Variants in CSNK2A1 observed in about 807,000 individuals in gnomAD.
CSNK2A1 encodes casein kinase II subunit alpha.
A neutral mutation model predicts 62.9 loss-of-function variants in CSNK2A1; 10 were observed. The observed-to-expected ratio is 0.16, with a 90% CI of 0.10 to 0.27. CSNK2A1 has a LOEUF of 0.27. Among genes scored for constraint, CSNK2A1 ranks in the 10% least tolerant of loss-of-function variants. CSNK2A1 has a pLI of 1.00. For synonymous variants in CSNK2A1, 124 were observed against 167.8 expected, an observed-to-expected ratio of 0.74 and a Z score of 2.02; for missense variants, 160 against 492.0, an observed-to-expected ratio of 0.33 and a Z score of 6.38.
Position 516,664 on chromosome 20 carries a change from G to T in CSNK2A1, c.-109-8004C>A, listed in dbSNP as rs116222119. On this transcript the variant is annotated intron_variant, in intron 2 of 13. Coordinates refer to ENST00000217244, the MANE Select transcript of CSNK2A1 (RefSeq NM_177559.3). ...TTGGCAACTAAAAAGAAAACTAGAG[G>T]CTTAGTAACAGTCCAATACCAGAAA... 2.8e-3 allele frequency among the ~76,000 whole-genome samples: 429 copies of T among 152,190 alleles called. 1 individual carries two copies. Among genetic ancestry groups the T allele is most frequent in the African/African-American group, 9.8e-3 (407 of 41,526 alleles).
rs74181545 is a variant in CSNK2A1, at chr20:518,357, G to C, written c.-110+9576C>G. Among the ~76,000 whole-genome samples, 983 of 152,192 alleles carry C rather than the reference G, an allele frequency of 6.5e-3. 1 individual carries two copies. Among genetic ancestry groups the C allele is most frequent in the Non-Finnish European group, 0.011 (761 of 68,012 alleles). ...TCAGAGGCATACTTCCTAATGGTGA[G>C]AGTGACTAGGGAGTGGAAGATCCAG... On this transcript the variant is annotated intron_variant, in intron 2 of 13. Coordinates refer to ENST00000217244, the MANE Select transcript of CSNK2A1 (RefSeq NM_177559.3).
intron 13 of CSNK2A1, among the ~76,000 whole-genome samples, chr20:485,028 T>C (rs1307419378): frequency 8.4e-6 from 1 of 119,412 alleles, no homozygotes; most frequent in African/African-American, 3.3e-5. Flanking sequence ...ATTGTGCCAC[T>C]GCACTCCAGC....
At chr20:484,694 T>TGTGTGTGTGTGTGTG (rs573370751) in intron 13 of CSNK2A1, among the ~76,000 whole-genome samples, 11 of 147,710 alleles carry the variant, frequency 7.4e-5, no homozygotes, top group African/African-American at 2.3e-4. Context: ...AATCATGTTT[T>TGTGTGTGTGTGTGTG]TGTGTGTGTG....
rs76438126 is a variant in CSNK2A1, at chr20:537,683, G to A, written c.-227+5989C>T. ...ATAAACTAAATGACATGCTACTTTC[G>A]AAATTATCCATTTCAGAAGTTCAAA... is the stretch of plus-strand genomic sequence containing the variant. On this transcript the variant is annotated intron_variant, in intron 1 of 13. Transcript: ENST00000217244. Among the ~76,000 whole-genome samples, 831 of 152,182 alleles carry A rather than the reference G, an allele frequency of 5.5e-3. 12 individuals are homozygous for A. Among genetic ancestry groups the A allele is most frequent in the African/African-American group, 0.019 (787 of 41,518 alleles).
chr20:506,739 A>G (rs1461792000), intron 3 of CSNK2A1: 1 of 152,262 alleles, frequency 6.6e-6, no homozygotes, highest in Admixed American at 6.5e-5. Context: ...TGGACAACAT[A>G]ATAATCATGG....
Position 481,663 on chromosome 20 carries a change from T to C in CSNK2A1, c.*2298A>G, listed in dbSNP as rs979254422. On this transcript the variant is annotated 3_prime_UTR_variant, in exon 14 of 14. Coordinates refer to ENST00000217244, the MANE Select transcript of CSNK2A1 (RefSeq NM_177559.3). ...CCAAGGTCTGATGGGTGTAAGGAGG[T>C]CCAGCTGTCTGCAGCTCTCCGCATC... is the stretch of plus-strand genomic sequence containing the variant. 2 of 152,094 alleles carry C rather than the reference T, an allele frequency of 1.3e-5. No homozygotes were observed. The highest frequency in any genetic ancestry group is 4.8e-5 in the African/African-American group (2 of 41,404). 9.4% of individuals were successfully genotyped at this position (152,094 alleles called of 1,614,324 possible).
chr20:500,653 T>C (rs2018443674), intron 4 of CSNK2A1: 1 of 143,792 alleles, frequency 7.0e-6, no homozygotes, highest in African/African-American at 2.6e-5. Context: ...TTTTTTTTTT[T>C]TTTGAGACAG....
At chr20:485,111 T>A (rs201716027) in intron 13 of CSNK2A1, among the ~76,000 whole-genome samples, 343 of 27,708 alleles carry the variant, frequency 0.012, 15 homozygotes, top group Middle Eastern at 0.019. Context: ...AAAAAAAAAA[T>A]ATATATATAT....
At position 499,352 on chromosome 20, in the gene CSNK2A1, G is replaced by A. The variant is rs771444711; in HGVS notation, c.316-47C>T. The A allele has an allele frequency of 3.2e-6, 5 of 1,574,060 alleles. No individual in the cohort carries two copies. Among genetic ancestry groups the A allele is most frequent in the Non-Finnish European group, 4.3e-6 (5 of 1,154,322 alleles). On this transcript the variant is annotated intron_variant, in intron 5 of 13. Transcript: ENST00000217244. The surrounding 1 kb of genome is among the most constrained non-coding windows in gnomAD (Gnocchi z 4.2). ...AAAAACACACATTAGCAATAGCCCTGACAGCTTTAATGGGGACAATGTTTG... is the reference window on the plus strand; with the variant it reads ...AAAAACACACATTAGCAATAGCCCTAACAGCTTTAATGGGGACAATGTTTG...
At chr20:487,366 G>T in intron 12 of CSNK2A1, 61 bp downstream of exon 12, 1 of 1,599,516 alleles carries the variant, frequency 6.3e-7, no homozygotes, top group South Asian at 1.1e-5. Flanking sequence ...CTGGGATTAC[G>T]ACTCTGTTCT....
chr20:486,488 TTC>T lies in CSNK2A1; in HGVS notation c.974-28_974-27del, dbSNP rs772224664. On this transcript the variant is annotated intron_variant, in intron 12 of 13. Transcript: ENST00000217244. ...CTAGAAAAGAGACAAAAAGGCTAGG[TTC>T]TGTTTTGCTTGAAAGATTAAACTAA... 10 of 1,610,920 alleles carry T rather than the reference TTC, an allele frequency of 6.2e-6. No homozygotes were observed. The East Asian group carries it at 1.8e-4, about 29-fold the overall frequency.
rs2017804451 is a variant in CSNK2A1 at position 474,135 on chromosome 20, A to C, written c.*9826T>G. 6.6e-6 allele frequency: 1 copy of C among 152,342 alleles called. No individual in the cohort carries two copies. The highest frequency in any genetic ancestry group is 1.5e-5 in the Non-Finnish European group (1 of 68,158). The allele number at this position is 152,342 out of a possible 1,614,324, so 9.4% of individuals were successfully genotyped here. A position where few individuals can be genotyped will look rare whatever the true frequency, so the allele number is the denominator to read the frequency against. On this transcript the variant is annotated 3_prime_UTR_variant, in exon 14 of 14. Transcript: ENST00000217244. ...GAGCAATGTGATCATAGCTCACTGCAGCCTCCAACTCCTGGGCTCAACGTA... is the reference window on the plus strand; with the variant it reads ...GAGCAATGTGATCATAGCTCACTGCCGCCTCCAACTCCTGGGCTCAACGTA...
intron 2 of CSNK2A1, among the ~76,000 whole-genome samples, chr20:513,613 T>TG (rs1600396549): frequency 6.6e-6 from 1 of 152,226 alleles, no homozygotes; most frequent in East Asian, 1.9e-4. Flanking sequence ...ATCTGACATA[T>TG]GGAGAATAGC....
intron 8 of CSNK2A1, chr20:492,594 T>G (rs972321415): frequency 3.9e-6 from 2 of 510,546 alleles, no homozygotes; most frequent in African/African-American, 3.9e-5. Flanking sequence ...ACAAATTTCT[T>G]AAACTGCTCA....
At chr20:532,330 ATTTTTTTTT>A (rs138287291) in intron 1 of CSNK2A1, among the ~76,000 whole-genome samples, 5 of 122,002 alleles carry the variant, frequency 4.1e-5, no homozygotes, top group Non-Finnish European at 8.3e-5. Context: ...TGCCCGGCTA[ATTTTTTTTT>A]TTTTTTTTTT....
chr20:533,810 G>A (rs1054081647), intron 1 of CSNK2A1, among the ~76,000 whole-genome samples: 1 of 152,208 alleles, frequency 6.6e-6, no homozygotes, highest in African/African-American at 2.4e-5. Flanking sequence ...GTCTCCCAAT[G>A]AAGGGAGGTA....
chr20:509,151 C>T (rs2018665650), intron 2 of CSNK2A1, among the ~76,000 whole-genome samples: 1 of 152,194 alleles, frequency 6.6e-6, no homozygotes, highest in South Asian at 2.1e-4. Flanking sequence ...GGCTTGTTCT[C>T]ATACATCAAA....
intron 1 of CSNK2A1, among the ~76,000 whole-genome samples, chr20:534,028 G>C (rs2019263755): frequency 6.6e-6 from 1 of 152,124 alleles, no homozygotes; most frequent in African/African-American, 2.4e-5. Context: ...AACTTCATTT[G>C]GGATATACAG....
At chr20:536,295 G>A (rs1377710089) in intron 1 of CSNK2A1, among the ~76,000 whole-genome samples, 1 of 152,098 alleles carries the variant, frequency 6.6e-6, no homozygotes, top group Non-Finnish European at 1.5e-5. Context: ...TGACAGCACT[G>A]GCAATAAACA....
Sources: gnomAD v4.1 joint callset for allele counts (sites outside exome capture counted in the v4.1 genomes callset) on GRCh38, gnomAD v4.1.1 for gene constraint, Gnocchi (gnomAD v3.1) non-coding constraint, MANE v1.5 for transcripts, NCBI Gene and HGNC (gene_info 2026-07-23, HGNC 2026-07-21) for gene names.